The following PDE10A variants were observed in gnomAD, a reference collection of about 807,000 sequenced individuals.
The protein encoded by PDE10A is phosphodiesterase 10A.
In PDE10A, 39 loss-of-function variants were observed where a neutral mutation model predicts 97.7. That is an observed-to-expected ratio of 0.40 (90% CI 0.31 to 0.52). PDE10A has a LOEUF of 0.52. Ranked by LOEUF, PDE10A falls within the 20% of genes least tolerant of loss-of-function variation. PDE10A has a pLI of 0.56. For synonymous variants in PDE10A, 371 were observed against 376.8 expected, an observed-to-expected ratio of 0.98 and a Z score of 0.18; for missense variants, 731 against 1,047.8, an observed-to-expected ratio of 0.70 and a Z score of 4.17.
chr6:165,690,403 A>G (rs1436028269), intron 1 of PDE10A, among the ~76,000 whole-genome samples: 1 of 152,046 alleles, frequency 6.6e-6, no homozygotes, highest in Non-Finnish European at 1.5e-5. Context: ...GTTTTGATGG[A>G]TTCTATTACT....
At chr6:165,692,616 T>C (rs1791332907) in intron 1 of PDE10A, among the ~76,000 whole-genome samples, 1 of 152,202 alleles carries the variant, frequency 6.6e-6, no homozygotes, top group Non-Finnish European at 1.5e-5. Flanking sequence ...GTTAAATATA[T>C]CAAGAGAAGA....
Position 165,543,482 on chromosome 6 carries a change from T to G in PDE10A, c.952A>C (p.Thr318Pro), listed in dbSNP as rs968937862. 6.2e-7 allele frequency: 1 copy of G among 1,613,136 alleles called. No homozygotes were observed. The highest frequency in any genetic ancestry group is 1.3e-5 in the African/African-American group (1 of 74,926). Residue 318 changes from threonine (T) to proline (P), a missense_variant, in exon 2 of 22, where the codon ACA becomes CCA. Physicochemically the swap from Thr to Pro is conservative, Grantham distance 38 (BLOSUM62 -1). Transcript: ENST00000539869. Reference sequence around the variant, plus strand: ...TTCCTCTTCAGCCATTTCTCTACTGTCTCTGCACTAACACTTTCAGATACA... The same window carrying G: ...TTCCTCTTCAGCCATTTCTCTACTGGCTCTGCACTAACACTTTCAGATACA... ...EFVSESVSAETVEKWLKRKNN... is the reference protein window; with the variant it reads ...EFVSESVSAEPVEKWLKRKNN...
intron 20 of PDE10A, among the ~76,000 whole-genome samples, chr6:165,336,584 C>T (rs866867110): frequency 2.0e-5 from 3 of 150,096 alleles, no homozygotes; most frequent in African/African-American, 4.9e-5. Context: ...CCCGTCTCTA[C>T]TAAAAATACA....
intron 1 of PDE10A, among the ~76,000 whole-genome samples, chr6:165,800,221 G>A (rs1439049917): frequency 6.6e-6 from 1 of 152,150 alleles, no homozygotes; most frequent in Non-Finnish European, 1.5e-5. Context: ...CTGAACAACA[G>A]CAGGAAAAAA....
chr6:165,673,109 C>T (rs1790694542), intron 1 of PDE10A, among the ~76,000 whole-genome samples: 1 of 152,046 alleles, frequency 6.6e-6, no homozygotes. Context: ...GGTGAACTGA[C>T]CCAGAAAGTA....
chr6:165,377,507 A>G (rs940556862), intron 18 of PDE10A, among the ~76,000 whole-genome samples: 3 of 152,226 alleles, frequency 2.0e-5, no homozygotes, highest in African/African-American at 7.2e-5. Context: ...ACTACCACGT[A>G]TGTACATGGG....
rs145311935 is a variant in PDE10A, at chr6:165,900,601, G to GTA, written c.-615+86926_-615+86927dup. 6.6e-3 allele frequency among the ~76,000 whole-genome samples: 1,000 copies of GTA among 152,116 alleles called. 8 individuals carry two copies. The highest frequency in any genetic ancestry group is 0.023 in the African/African-American group (958 of 41,464). On this transcript the variant is annotated intron_variant, in intron 1 of 19. Coordinates refer to the PDE10A transcript ENST00000366882. ...GTCTCTCTGTCTCCAACCCCCATGT[G>GTA]TATATACACCTAGTTGTAAAGAAGG...
At chr6:165,686,241 C>T (rs578155158) in intron 1 of PDE10A, among the ~76,000 whole-genome samples, 1 of 152,080 alleles carries the variant, frequency 6.6e-6, no homozygotes, top group Non-Finnish European at 1.5e-5. Context: ...AGTGTGGGTC[C>T]TGAGATGTGA....
chr6:165,934,152 CTT>C (rs778137427), intron 1 of PDE10A, among the ~76,000 whole-genome samples: 54 of 109,168 alleles, frequency 4.9e-4, no homozygotes, highest in African/African-American at 1.7e-3. Context: ...CCTGGCTGAT[CTT>C]TTTTTTTTTT....
At chr6:165,691,447 G>T (rs950733607) in intron 1 of PDE10A, among the ~76,000 whole-genome samples, 1 of 152,078 alleles carries the variant, frequency 6.6e-6, no homozygotes, top group Non-Finnish European at 1.5e-5. Flanking sequence ...TGTGTAGTGG[G>T]CTGTGCCATC....
intron 1 of PDE10A, among the ~76,000 whole-genome samples, chr6:165,946,598 A>G (rs1214779490): frequency 6.6e-6 from 1 of 152,092 alleles, no homozygotes; most frequent in East Asian, 1.9e-4. Flanking sequence ...CAAAATGACA[A>G]CTCTGTGCAG....
At position 165,328,739 on chromosome 6, in the gene PDE10A, A is replaced by G. The variant is rs1781179864; in HGVS notation, c.*4286T>C. 6.6e-6 allele frequency: 1 copy of G among 152,256 alleles called. No individual in the cohort carries two copies. The highest frequency in any genetic ancestry group is 2.4e-5 in the African/African-American group (1 of 41,476). The allele number at this position is 152,256 out of a possible 1,614,324, so 9.4% of individuals were successfully genotyped here. ...TCTATCTTCTTAATTTAGAACCAGCACACCGTTGACACTTTTTAATTTTTT... is the reference window on the plus strand; with the variant it reads ...TCTATCTTCTTAATTTAGAACCAGCGCACCGTTGACACTTTTTAATTTTTT... On this transcript the variant is annotated 3_prime_UTR_variant, in exon 22 of 22. Coordinates refer to ENST00000539869, the MANE Select transcript of PDE10A (RefSeq NM_001385079.1).
chr6:165,573,669 T>C (rs1194064665), intron 1 of PDE10A, among the ~76,000 whole-genome samples: 4 of 152,232 alleles, frequency 2.6e-5, no homozygotes, highest in Non-Finnish European at 5.9e-5. Flanking sequence ...GAATTGAATG[T>C]ATCTTTGCTA....
At chr6:165,489,450 GC>G (rs2128286219) in intron 2 of PDE10A, among the ~76,000 whole-genome samples, 1 of 152,308 alleles carries the variant, frequency 6.6e-6, no homozygotes, top group African/African-American at 2.4e-5. Context: ...CTGAACAGCA[GC>G]CCTTGAGTCC....
At chr6:165,653,400 C>A (rs1439628777) in intron 1 of PDE10A, among the ~76,000 whole-genome samples, 1 of 152,104 alleles carries the variant, frequency 6.6e-6, no homozygotes, top group East Asian at 1.9e-4. Context: ...TAGGAAGATG[C>A]AGGGAAAAAG....
intron 2 of PDE10A, among the ~76,000 whole-genome samples, chr6:165,529,059 C>G (rs1782618929): frequency 6.6e-6 from 1 of 152,178 alleles, no homozygotes; most frequent in African/African-American, 2.4e-5. Flanking sequence ...ATTCTGCTCT[C>G]CTAGAGGTCT....
chr6:165,560,614 A>T (rs1784472752), intron 1 of PDE10A, among the ~76,000 whole-genome samples: 1 of 152,250 alleles, frequency 6.6e-6, no homozygotes, highest in Non-Finnish European at 1.5e-5. Context: ...CTAAAAATTG[A>T]ATTACTTTTA....
intron 1 of PDE10A, among the ~76,000 whole-genome samples, chr6:165,798,950 C>T (rs1778904264): frequency 6.6e-6 from 1 of 152,166 alleles, no homozygotes; most frequent in South Asian, 2.1e-4. Context: ...TCAAGTGATC[C>T]GCCTGCTTTG....
intron 18 of PDE10A, among the ~76,000 whole-genome samples, chr6:165,371,343 A>G (rs1784235853): frequency 6.6e-6 from 1 of 152,182 alleles, no homozygotes; most frequent in South Asian, 2.1e-4. Flanking sequence ...CAAGACTACT[A>G]AAGAAAAAAA....
Sources: allele counts gnomAD v4.1 joint callset (sites outside exome capture counted in the v4.1 genomes callset), GRCh38; gene constraint gnomAD v4.1.1; transcripts MANE v1.5; gene names NCBI Gene and HGNC (gene_info 2026-07-23, HGNC 2026-07-21).